The following PLEKHG4B variants were observed in gnomAD, a reference collection of about 807,000 sequenced individuals.
PLEKHG4B encodes pleckstrin homology and RhoGEF domain containing G4B, also known as pleckstrin homology domain-containing family G member 4B.
Under a neutral mutation model 121.3 loss-of-function variants are expected in PLEKHG4B, and 111 were observed. The ratio of observed to expected loss-of-function variants is 0.92; its 90% CI spans 0.78 to 1.07. The LOEUF (loss-of-function observed/expected upper bound fraction) is 1.07. PLEKHG4B is among the 50% of genes least tolerant of loss of function. The probability of loss-of-function intolerance (pLI) is 0.00; values close to 1 mark genes in which losing one functional copy is unlikely to be tolerated. For missense variants in PLEKHG4B, 1,831 were observed against 1,757.8 expected (o/e 1.04, Z -0.74); for synonymous variants, 738 against 725.0 (o/e 1.02, Z -0.29).
At chr5:181,856 G>T in intron 19 of PLEKHG4B, 148 bp from the exon 20 acceptor site, 3 of 1,267,268 alleles carry the variant, frequency 2.4e-6, no homozygotes, top group East Asian at 4.9e-5. Flanking sequence ...AGAGGGCACT[G>T]GGCCAGTGGC....
rs539881568 is a variant in PLEKHG4B, at chr5:175,182, C to T, written c.4402+1084C>T. 1.4e-3 allele frequency among the ~76,000 whole-genome samples: 216 copies of T among 152,192 alleles called. No individual in the cohort carries two copies. In the Middle Eastern group the frequency reaches 0.017, roughly 12 times the overall value. ...GCCCCTGCCCTGCTGGTCTGGCCCC[C>T]GTGGCCCTGGGAGGCTGAGCTCATG... On this transcript the variant is annotated intron_variant, in intron 18 of 19. Transcript: ENST00000637938.
rs146347397 is a variant in PLEKHG4B at position 170,654 on chromosome 5, G to A, written c.3730-389G>A. Among the ~76,000 whole-genome samples the A allele has an allele frequency of 5.3e-5, 8 of 152,214 alleles. No individual in the cohort carries two copies. In the East Asian group the frequency reaches 1.2e-3, roughly 22 times the overall value. On this transcript the variant is annotated intron_variant, in intron 14 of 19. Transcript: ENST00000637938. ...CATAAAGTGCAGATTCATATTGACC[G>A]TGATTGTGGCAATTTTAAATGTCTT...
chr5:145,713 T>C (rs1735385070), intron 6 of PLEKHG4B, among the ~76,000 whole-genome samples: 1 of 151,810 alleles, frequency 6.6e-6, no homozygotes, highest in Non-Finnish European at 1.5e-5. Flanking sequence ...GCACCGGGGA[T>C]GGGAAGATGC....
chr5:160,671 C>T (rs1735968395), intron 11 of PLEKHG4B, among the ~76,000 whole-genome samples: 1 of 152,176 alleles, frequency 6.6e-6, no homozygotes, highest in Non-Finnish European at 1.5e-5. Flanking sequence ...CTTTGCTTAT[C>T]TTTTAAACAG....
rs140277775 is a variant in PLEKHG4B at position 115,618 on chromosome 5, T to C, written c.243+2170T>C. Among the ~76,000 whole-genome samples, 464 of 152,374 alleles carry C rather than the reference T, an allele frequency of 3.0e-3. 2 individuals carry two copies. The highest frequency in any genetic ancestry group is 0.01 in the Middle Eastern group (3 of 294). ...TGTTAAGCACAGCCACCTTCATCAA[T>C]GGTCTTAGCCAGATCTTCTGGATTA... On this transcript the variant is annotated intron_variant, in intron 2 of 19. Transcript: ENST00000637938.
At chr5:96,106 G>A (rs1284067105) in intron 1 of PLEKHG4B, among the ~76,000 whole-genome samples, 1 of 152,232 alleles carries the variant, frequency 6.6e-6, no homozygotes, top group Non-Finnish European at 1.5e-5. Context: ...GGTGTGGGTG[G>A]TGGTGTTACA....
intron 15 of PLEKHG4B, 35 bp downstream of exon 15, chr5:171,167 CG>C: frequency 6.2e-7 from 1 of 1,606,396 alleles, no homozygotes; most frequent in Non-Finnish European, 8.5e-7. Flanking sequence ...ACAGCCTGCC[CG>C]GCCCTCAGCC....
intron 1 of PLEKHG4B, among the ~76,000 whole-genome samples, chr5:111,434 A>G (rs1734153681): frequency 6.6e-6 from 1 of 152,202 alleles, no homozygotes; most frequent in Admixed American, 6.5e-5. Flanking sequence ...TCAGGGCTTG[A>G]CAGCGCAGTG....
Position 184,966 on chromosome 5 carries a change from T to C in PLEKHG4B, c.*2643T>C, listed in dbSNP as rs1227026506. ...AAACTGTGTGACCACAGCAGCGTGA[T>C]GGCTGGGAGACGCTGGATGTGATAC... is the stretch of plus-strand genomic sequence containing the variant. On this transcript the variant is annotated 3_prime_UTR_variant, in exon 20 of 20. Coordinates refer to ENST00000637938, the MANE Select transcript of PLEKHG4B (RefSeq NM_052909.5). 1.3e-5 allele frequency: 2 copies of C among 152,232 alleles called. No individual in the cohort carries two copies. The highest frequency in any genetic ancestry group is 2.9e-5 in the Non-Finnish European group (2 of 68,028). 9.4% of individuals were successfully genotyped at this position (152,232 alleles called of 1,614,324 possible). A position where few individuals can be genotyped will look rare whatever the true frequency, so the allele number is the denominator to read the frequency against.
In PLEKHG4B at chr5:95,128, A is replaced by C. The variant is rs371356008; in HGVS notation, c.45+2852A>C. On this transcript the variant is annotated intron_variant, in intron 1 of 19. Transcript: ENST00000637938. ...GAATTCTTTTTGATTGATCTTACAA[A>C]ATTTCCCCTGACAGAAAATCACATT... Among the ~76,000 whole-genome samples the C allele has an allele frequency of 1.9e-4, 29 of 152,246 alleles. 2 individuals carry two copies. In the East Asian group the frequency reaches 2.3e-3, roughly 12 times the overall value.
At chr5:111,514 G>A (rs1560901828) in intron 1 of PLEKHG4B, among the ~76,000 whole-genome samples, 1 of 152,240 alleles carries the variant, frequency 6.6e-6, no homozygotes, top group African/African-American at 2.4e-5. Context: ...CCTGGACAGA[G>A]CTCTGGGCTG....
chr5:151,394 C>T, intron 6 of PLEKHG4B, 119 bp from the exon 7 acceptor site: 1 of 546,648 alleles, frequency 1.8e-6, no homozygotes, highest in South Asian at 3.7e-5. Flanking sequence ...ATGTTTTATG[C>T]ACTGTAGGCA....
At chr5:93,100 G>A (rs1240557457) in intron 1 of PLEKHG4B, among the ~76,000 whole-genome samples, 1 of 152,110 alleles carries the variant, frequency 6.6e-6, no homozygotes, top group Non-Finnish European at 1.5e-5. Context: ...AAAAAGTTTA[G>A]TTGGTACGTC....
Position 162,703 on chromosome 5 carries a change from A to C in PLEKHG4B, c.2650-19A>C, listed in dbSNP as rs1320849029. On this transcript the variant is annotated intron_variant, in intron 12 of 19. Coordinates refer to ENST00000637938, the MANE Select transcript of PLEKHG4B (RefSeq NM_052909.5). ...GCCCCTCCTCCACTGCACTGAGCAG[A>C]GCCCTCCTTGTCCCACAGGTGAGCA... 1 of 1,439,214 alleles carries C rather than the reference A, an allele frequency of 6.9e-7. No homozygotes were observed. Among genetic ancestry groups the C allele is most frequent in the African/African-American group, 1.4e-5 (1 of 69,432 alleles). The allele number at this position is 1,439,214 out of a possible 1,614,324, so 89.2% of individuals were successfully genotyped here. A position where few individuals can be genotyped will look rare whatever the true frequency, so the allele number is the denominator to read the frequency against.
At chr5:163,678 G>C (rs1736133988) in intron 13 of PLEKHG4B, 130 bp downstream of exon 13, 2 of 795,716 alleles carry the variant, frequency 2.5e-6, no homozygotes, top group East Asian at 5.4e-5. Flanking sequence ...GGGTCCACCT[G>C]TCCGGTCTAA....
intron 2 of PLEKHG4B, among the ~76,000 whole-genome samples, chr5:130,747 C>T (rs1207291808): frequency 6.6e-6 from 1 of 152,182 alleles, no homozygotes; most frequent in Non-Finnish European, 1.5e-5. Context: ...GAGTGCACCG[C>T]TTAGAGAAGA....
chr5:181,474 C>T (rs1284614916), intron 18 of PLEKHG4B, 40 bp from the exon 19 acceptor site: 9 of 1,596,214 alleles, frequency 5.6e-6, no homozygotes, highest in East Asian at 2.2e-5. Context: ...CATTAGCCCC[C>T]GAGTTGCTTT....
Position 156,139 on chromosome 5 carries a change from GTC to G in PLEKHG4B, c.2282_2283del (p.Leu761GlnfsTer37). On this transcript the variant is annotated frameshift_variant, in exon 10 of 20. Coordinates refer to ENST00000637938, the MANE Select transcript of PLEKHG4B (RefSeq NM_052909.5). LOFTEE classifies it high-confidence loss of function. The surrounding 1 kb of genome is among the most constrained non-coding windows in gnomAD (Gnocchi z 4.4). ...TTGTCCTGGAAGACCCACTGCTTGTGTCTCTCAGGCTGGAGGGGGGCACCGTC... is the reference window on the plus strand; with the variant it reads ...TTGTCCTGGAAGACCCACTGCTTGTGTCTCAGGCTGGAGGGGGGCACCGTC... ...KLVLEDPLLVSLRLEGGTVLA... is the reference protein window; with the variant it reads ...KLVLEDPLLVXLRLEGGTVLA... The G allele has an allele frequency of 6.3e-7, 1 of 1,597,244 alleles. No individual in the cohort carries two copies. The highest frequency in any genetic ancestry group is 1.1e-5 in the South Asian group (1 of 88,716).
chr5:132,879 C>CT (rs1459448365), intron 2 of PLEKHG4B, among the ~76,000 whole-genome samples: 2 of 152,018 alleles, frequency 1.3e-5, no homozygotes, highest in African/African-American at 4.8e-5. Flanking sequence ...TGTGTGGGGT[C>CT]TTTTTTGGTT....
Sources: gnomAD v4.1 joint callset for allele counts (sites outside exome capture counted in the v4.1 genomes callset) on GRCh38, gnomAD v4.1.1 for gene constraint, Gnocchi (gnomAD v3.1) non-coding constraint, MANE v1.5 for transcripts, NCBI Gene and HGNC (gene_info 2026-07-23, HGNC 2026-07-21) for gene names.